The following LYAR variants were observed in gnomAD, a reference collection of about 807,000 sequenced individuals.
LYAR encodes the protein Ly1 antibody reactive.
A neutral mutation model predicts 45.2 loss-of-function variants in LYAR; 37 were observed. That is an observed-to-expected ratio of 0.82 (90% CI 0.63 to 1.08). The LOEUF is 1.08. LYAR is among the 50% of genes least tolerant of loss of function. The pLI is 0.00. For synonymous variants in LYAR, 176 were observed against 155.1 expected, an observed-to-expected ratio of 1.14 and a Z score of -1.00; for missense variants, 493 against 451.0, an observed-to-expected ratio of 1.09 and a Z score of -0.84.
At chr4:4,276,247 G>A (rs1042787657) in intron 6 of LYAR, among the ~76,000 whole-genome samples, 6 of 152,170 alleles carry the variant, frequency 3.9e-5, no homozygotes, top group African/African-American at 1.4e-4. Flanking sequence ...GTCTCTGTTA[G>A]TCTAGCCAAA....
intron 1 of LYAR, among the ~76,000 whole-genome samples, 181 bp from the exon 2 acceptor site, chr4:4,286,753 T>A (rs184289106): frequency 1.2e-3 from 186 of 151,140 alleles, no homozygotes; most frequent in African/African-American, 4.5e-3. Context: ...TTCATGCCAT[T>A]CTCTTGCCTC....
At chr4:4,269,452 C>T (rs779859922) in intron 8 of LYAR, among the ~76,000 whole-genome samples, 2 of 152,124 alleles carry the variant, frequency 1.3e-5, no homozygotes, top group Admixed American at 6.5e-5. Flanking sequence ...TAATGAGGGA[C>T]GGTGTCACAG....
chr4:4,277,360 T>C (rs559038095), intron 6 of LYAR, among the ~76,000 whole-genome samples: 1 of 152,314 alleles, frequency 6.6e-6, no homozygotes, highest in South Asian at 2.1e-4. Context: ...AATATTATTT[T>C]AACCACTGAG....
chr4:4,278,541 T>C (rs1045048016), intron 6 of LYAR, among the ~76,000 whole-genome samples: 2 of 152,272 alleles, frequency 1.3e-5, no homozygotes, highest in Admixed American at 1.3e-4. Flanking sequence ...TCATCTACCT[T>C]AACCGTAACC....
Position 4,279,636 on chromosome 4 carries a change from T to G in LYAR, c.345+6A>C. ...GCCCCCTCCATTCAAGAAAGTCAAT[T>G]CATACCTGAAATTTTGCCTTTTTCC... On this transcript the variant is annotated splice_donor_region_variant and intron_variant, in intron 5 of 9. Coordinates refer to ENST00000343470, the MANE Select transcript of LYAR (RefSeq NM_017816.3). 6.2e-7 allele frequency: 1 copy of G among 1,611,250 alleles called. No individual in the cohort carries two copies. The highest frequency in any genetic ancestry group is 8.5e-7 in the Non-Finnish European group (1 of 1,177,494).
At chr4:4,269,410 G>C (rs1372757156) in intron 8 of LYAR, among the ~76,000 whole-genome samples, 1 of 152,188 alleles carries the variant, frequency 6.6e-6, no homozygotes, top group Non-Finnish European at 1.5e-5. Flanking sequence ...AAGCCGAGTG[G>C]CGAGCCTGAG....
chr4:4,284,049 C>T (rs536755481), intron 2 of LYAR, among the ~76,000 whole-genome samples: 5 of 152,244 alleles, frequency 3.3e-5, no homozygotes, highest in Non-Finnish European at 5.9e-5. Flanking sequence ...ATTCAATCCC[C>T]GCAGTAACCC....
At chr4:4,280,958 T>C (rs1292968344) in intron 4 of LYAR, among the ~76,000 whole-genome samples, 1 of 152,248 alleles carries the variant, frequency 6.6e-6, no homozygotes, top group African/African-American at 2.4e-5. Context: ...ACCTATTCTG[T>C]AAATGATCAG....
chr4:4,268,135 G>A, intron 9 of LYAR, 112 bp from the exon 10 acceptor site: 1 of 1,022,570 alleles, frequency 9.8e-7, no homozygotes, highest in Non-Finnish European at 1.3e-6. Flanking sequence ...AAACCCAGGA[G>A]CAAGCGACAC....
At position 4,280,400 on chromosome 4, in the gene LYAR, C is replaced by T. The variant is rs947750727; in HGVS notation, c.238-651G>A. 3.9e-5 allele frequency among the ~76,000 whole-genome samples: 6 copies of T among 152,224 alleles called. No homozygotes were observed. The South Asian group carries it at 8.3e-4, about 21-fold the overall frequency. Reference sequence around the variant, plus strand: ...AAAATCCAATGTGTGTGTATATATACGTTTTTACAGAAACAGAAAAATCCA... The same window carrying T: ...AAAATCCAATGTGTGTGTATATATATGTTTTTACAGAAACAGAAAAATCCA... On this transcript the variant is annotated intron_variant, in intron 4 of 9. Coordinates refer to ENST00000343470, the MANE Select transcript of LYAR (RefSeq NM_017816.3).
chr4:4,279,057 G>A (rs1338738903), intron 6 of LYAR, among the ~76,000 whole-genome samples: 2 of 151,066 alleles, frequency 1.3e-5, no homozygotes, highest in Non-Finnish European at 2.9e-5. Context: ...AGGTGCGGAG[G>A]CTCATGCCTG....
At position 4,268,033 on chromosome 4, in the gene LYAR, G is replaced by A; in HGVS notation, c.1006-10C>T. 6.4e-7 allele frequency: 1 copy of A among 1,561,456 alleles called. No homozygotes were observed. Among genetic ancestry groups the A allele is most frequent in the South Asian group, 1.2e-5 (1 of 82,254 alleles). On this transcript the variant is annotated splice_polypyrimidine_tract_variant and intron_variant, in intron 9 of 9. Coordinates refer to ENST00000343470, the MANE Select transcript of LYAR (RefSeq NM_017816.3). Reference sequence around the variant, plus strand: ...AGTACTGAGCTAAAACCTTCACAAAGAAAAACATCAAATGAGTGTATTTGA... The same window carrying A: ...AGTACTGAGCTAAAACCTTCACAAAAAAAAACATCAAATGAGTGTATTTGA...
At chr4:4,268,047 G>T in intron 9 of LYAR, 24 bp from the exon 10 acceptor site, 1 of 1,541,192 alleles carries the variant, frequency 6.5e-7, no homozygotes, top group South Asian at 1.2e-5. Flanking sequence ...AACATCAAAT[G>T]AGTGTATTTG....
At chr4:4,279,117 G>A (rs1363214021) in intron 6 of LYAR, among the ~76,000 whole-genome samples, 1 of 151,746 alleles carries the variant, frequency 6.6e-6, no homozygotes, top group Non-Finnish European at 1.5e-5. Context: ...CTGAGGTCAG[G>A]AATTCGAGAC....
intron 8 of LYAR, 51 bp downstream of exon 8, chr4:4,273,532 G>T: frequency 7.3e-7 from 1 of 1,372,654 alleles, no homozygotes; most frequent in Non-Finnish European, 1.0e-6. Context: ...GGGACTATCA[G>T]CGAGAGCCGC....
intron 8 of LYAR, chr4:4,268,841 G>T: frequency 2.3e-6 from 1 of 433,140 alleles, no homozygotes; most frequent in South Asian, 4.0e-5. Flanking sequence ...TGTGCTATTG[G>T]CATGACAAAC....
In LYAR at chr4:4,283,804, A is replaced by G; in HGVS notation, c.-53-9T>C. 7.5e-7 allele frequency: 1 copy of G among 1,335,132 alleles called. No individual in the cohort carries two copies. Among genetic ancestry groups the G allele is most frequent in the South Asian group, 1.5e-5 (1 of 67,390 alleles). 82.7% of individuals were successfully genotyped at this position (1,335,132 alleles called of 1,614,324 possible). On this transcript the variant is annotated splice_polypyrimidine_tract_variant and intron_variant, in intron 2 of 9. Transcript: ENST00000343470. The stretch of plus-strand genomic sequence containing the variant: ...AGGTTTTAAGTCTTGTCCTAAGGAA[A>G]AAAAGACAATTATAATTATAAACTG...
At chr4:4,284,954 G>A (rs561509162) in intron 2 of LYAR, among the ~76,000 whole-genome samples, 61 of 152,192 alleles carry the variant, frequency 4.0e-4, no homozygotes, top group Admixed American at 2.6e-4. Flanking sequence ...TGAAATCACC[G>A]TTGCTCCTCC....
chr4:4,286,832 A>G (rs1445571705), intron 1 of LYAR, among the ~76,000 whole-genome samples: 5 of 151,916 alleles, frequency 3.3e-5, no homozygotes, highest in African/African-American at 4.8e-5. Flanking sequence ...ATTTTTTAGT[A>G]GAGATAGATG....
Sources: gnomAD v4.1 joint callset for allele counts (sites outside exome capture counted in the v4.1 genomes callset) on GRCh38, gnomAD v4.1.1 for gene constraint, MANE v1.5 for transcripts, NCBI Gene and HGNC (gene_info 2026-07-23, HGNC 2026-07-21) for gene names.